The following OXR1 variants were observed in gnomAD, a reference collection of about 807,000 sequenced individuals.
OXR1 encodes oxidation resistance 1.
Under a neutral mutation model 104.6 loss-of-function variants are expected in OXR1, and 41 were observed. That is an observed-to-expected ratio of 0.39 (90% CI 0.31 to 0.51). OXR1 has a LOEUF of 0.51. Ranked by LOEUF, OXR1 falls within the 20% of genes least tolerant of loss-of-function variation. OXR1 has a pLI of 0.77. For missense variants in OXR1, 955 were observed against 1,031.9 expected (o/e 0.93, Z 1.02); for synonymous variants, 348 against 348.4 (o/e 1.00, Z 0.01).
intron 3 of OXR1, among the ~76,000 whole-genome samples, chr8:106,549,491 CAA>C (rs1487716627): frequency 6.6e-6 from 1 of 152,178 alleles, no homozygotes; most frequent in Non-Finnish European, 1.5e-5. Context: ...GCACAGGACA[CAA>C]AGGGTTTTTT....
At chr8:106,361,502 C>T (rs747008670) in intron 2 of OXR1, among the ~76,000 whole-genome samples, 3 of 152,222 alleles carry the variant, frequency 2.0e-5, no homozygotes, top group Non-Finnish European at 4.4e-5. Context: ...ATTTGGGTTG[C>T]CCAAGTGCTG....
intron 2 of OXR1, among the ~76,000 whole-genome samples, chr8:106,398,749 G>A (rs750703036): frequency 2.0e-5 from 3 of 152,070 alleles, no homozygotes; most frequent in Admixed American, 6.6e-5. Flanking sequence ...TTGCTCAGGT[G>A]CCACCCACCC....
intron 2 of OXR1, among the ~76,000 whole-genome samples, chr8:106,412,891 T>C (rs1280778419): frequency 2.0e-5 from 3 of 152,082 alleles, no homozygotes; most frequent in Non-Finnish European, 4.4e-5. Context: ...TCTTCTATAA[T>C]CCTATTTATT....
At chr8:106,547,469 G>T (rs1324760787) in intron 3 of OXR1, among the ~76,000 whole-genome samples, 3 of 145,592 alleles carry the variant, frequency 2.1e-5, no homozygotes, top group Admixed American at 6.9e-5. Flanking sequence ...TGTACAATGT[G>T]TTAGAATTTC....
At chr8:106,713,050 T>C (rs956836313) in intron 10 of OXR1, among the ~76,000 whole-genome samples, 5 of 151,976 alleles carry the variant, frequency 3.3e-5, no homozygotes, top group African/African-American at 1.2e-4. Context: ...AGATGTTACA[T>C]TGAAAGATAA....
At chr8:106,521,407 C>T (rs947133703) in intron 3 of OXR1, among the ~76,000 whole-genome samples, 5 of 152,160 alleles carry the variant, frequency 3.3e-5, no homozygotes, top group Non-Finnish European at 7.3e-5. Flanking sequence ...GGGTCATGAG[C>T]TGTAGAGAGC....
chr8:106,334,196 A>T (rs2130238263), intron 1 of OXR1, among the ~76,000 whole-genome samples: 1 of 152,286 alleles, frequency 6.6e-6, no homozygotes, highest in Non-Finnish European at 1.5e-5. Flanking sequence ...ATGTGTTCCT[A>T]AATACTTTTT....
At chr8:106,694,905 C>G (rs1829796095) in intron 7 of OXR1, among the ~76,000 whole-genome samples, 1 of 72,442 alleles carries the variant, frequency 1.4e-5, no homozygotes, top group South Asian at 3.7e-4. Flanking sequence ...ATATATTTAT[C>G]TATTTACATA....
At chr8:106,582,038 A>C (rs1348561468) in intron 3 of OXR1, among the ~76,000 whole-genome samples, 6 of 149,016 alleles carry the variant, frequency 4.0e-5, no homozygotes, top group Non-Finnish European at 8.9e-5. Context: ...AAAAAAAAAA[A>C]AAAAAACCTA....
chr8:106,484,923 A>C lies in OXR1; in HGVS notation c.24-34020A>C, dbSNP rs537697563. ...TTATAATTATCAAAATTTGGAAGCAACCAAGATATCCTTCAGTAGATAAAT... is the reference window on the plus strand; with the variant it reads ...TTATAATTATCAAAATTTGGAAGCACCCAAGATATCCTTCAGTAGATAAAT... On this transcript the variant is annotated intron_variant, in intron 2 of 16. Coordinates refer to ENST00000517566, the MANE Select transcript of OXR1 (RefSeq NM_001198533.2). Among the ~76,000 whole-genome samples, 29 of 152,232 alleles carry C rather than the reference A, an allele frequency of 1.9e-4. No individual in the cohort carries two copies. The South Asian group carries it at 6.0e-3, about 32-fold the overall frequency.
At chr8:106,580,979 T>C (rs1586842874) in intron 3 of OXR1, 1 of 1,014,440 alleles carries the variant, frequency 9.9e-7, no homozygotes, top group East Asian at 1.0e-4. Flanking sequence ...TCCTCATTCT[T>C]GTGGCTACCA....
At chr8:106,489,946 A>G (rs1382390851) in intron 2 of OXR1, among the ~76,000 whole-genome samples, 1 of 152,230 alleles carries the variant, frequency 6.6e-6, no homozygotes, top group African/African-American at 2.4e-5. Context: ...AGAATGAAGT[A>G]TTATTAAAAA....
At chr8:106,324,449 C>CA (rs1814371255) in intron 1 of OXR1, among the ~76,000 whole-genome samples, 1 of 127,284 alleles carries the variant, frequency 7.9e-6, no homozygotes. Context: ...ATCTGTACAA[C>CA]AACCCCCCCT....
chr8:106,350,934 A>C (rs920622343), intron 1 of OXR1, among the ~76,000 whole-genome samples: 5 of 152,230 alleles, frequency 3.3e-5, no homozygotes, highest in African/African-American at 7.2e-5. Flanking sequence ...ATTGAGGGGC[A>C]AAACAGATTT....
At chr8:106,437,744 A>G (rs564457066) in intron 2 of OXR1, among the ~76,000 whole-genome samples, 78 of 152,290 alleles carry the variant, frequency 5.1e-4, no homozygotes, top group Non-Finnish European at 7.8e-4. Flanking sequence ...TTCATGCTGA[A>G]TGCAATAGAG....
rs368377202 is a variant in OXR1, at chr8:106,639,517, CT to C, written c.221-39688del. On this transcript the variant is annotated intron_variant, in intron 3 of 16. Transcript: ENST00000517566. Reference sequence around the variant, plus strand: ...CTCCCCAAAATATCACTGATATTACCTTTTTGGTAAGACAAAACAAGTTCAT... The same window carrying C: ...CTCCCCAAAATATCACTGATATTACCTTTTGGTAAGACAAAACAAGTTCAT... Among the ~76,000 whole-genome samples, 515 of 152,256 alleles carry C rather than the reference CT, an allele frequency of 3.4e-3. 4 individuals carry two copies. Among genetic ancestry groups the C allele is most frequent in the African/African-American group, 0.012 (481 of 41,552 alleles).
intron 11 of OXR1, among the ~76,000 whole-genome samples, chr8:106,736,611 A>T (rs530639043): frequency 6.6e-6 from 1 of 152,208 alleles, no homozygotes; most frequent in African/African-American, 2.4e-5. Flanking sequence ...GAATTATGTC[A>T]TGATCTGAAA....
rs371932732 is a variant in OXR1 at position 106,607,634 on chromosome 8, C to T, written c.221-71576C>T. On this transcript the variant is annotated intron_variant, in intron 3 of 16. Transcript: ENST00000517566. The stretch of plus-strand genomic sequence containing the variant: ...TCGATCCTTCTGCCTTAAATCAGCC[C>T]TTCTGCTTAGCATTAAATAAGTCTT... Among the ~76,000 whole-genome samples the T allele has an allele frequency of 9.3e-4, 141 of 152,274 alleles. 1 individual carries two copies. The highest frequency in any genetic ancestry group is 3.3e-3 in the African/African-American group (137 of 41,568).
intron 1 of OXR1, among the ~76,000 whole-genome samples, chr8:106,325,094 G>T (rs1814412738): frequency 6.6e-6 from 1 of 152,112 alleles, no homozygotes; most frequent in South Asian, 2.1e-4. Context: ...TTTAGGAAAA[G>T]AATAAAAGTA....
Sources: gnomAD v4.1 joint callset for allele counts (sites outside exome capture counted in the v4.1 genomes callset) on GRCh38, gnomAD v4.1.1 for gene constraint, MANE v1.5 for transcripts, NCBI Gene and HGNC (gene_info 2026-07-23, HGNC 2026-07-21) for gene names.